RHCE: variants seen among roughly 807,000 people sequenced by gnomAD.
RHCE encodes Rh blood group CcEe antigens, also known as blood group Rh(CE) polypeptide.
A neutral mutation model predicts 43.8 loss-of-function variants in RHCE; 22 were observed. The ratio of observed to expected loss-of-function variants is 0.50; its 90% confidence interval spans 0.36 to 0.72. The LOEUF is 0.72. RHCE is among the 30% of genes least tolerant of loss of function. The pLI is 0.00. For missense variants in RHCE, 385 were observed against 525.4 expected (o/e 0.73, Z 2.61); for synonymous variants, 156 against 210.7 (o/e 0.74, Z 2.25).
At chr1:25,404,950 G>T (rs899119580) in intron 2 of RHCE, among the ~76,000 whole-genome samples, 1 of 151,822 alleles carries the variant, frequency 6.6e-6, no homozygotes, top group Non-Finnish European at 1.5e-5. Context: ...TAGCACTTTG[G>T]GAGGCTGAGG....
intron 1 of RHCE, among the ~76,000 whole-genome samples, chr1:25,410,802 C>T (rs1647049498): frequency 6.6e-6 from 1 of 152,104 alleles, no homozygotes. Flanking sequence ...TTAAACCTCA[C>T]TAAATTGCCA....
chr1:25,384,477 G>A (rs28491276), intron 7 of RHCE, among the ~76,000 whole-genome samples: 11,881 of 151,856 alleles, frequency 0.078, 1,413 homozygotes, highest in African/African-American at 0.26. Flanking sequence ...CTTACAGAGG[G>A]GAACTCTCAG....
At chr1:25,411,028 G>T (rs2124510521) in intron 1 of RHCE, among the ~76,000 whole-genome samples, 1 of 152,070 alleles carries the variant, frequency 6.6e-6, no homozygotes, top group African/African-American at 2.4e-5. Context: ...GGAGGCGGAG[G>T]TTGCAGTGAG....
At chr1:25,370,025 CA>C (rs1478612187) in intron 9 of RHCE, among the ~76,000 whole-genome samples, 1 of 151,586 alleles carries the variant, frequency 6.6e-6, no homozygotes, top group Admixed American at 6.6e-5. Context: ...AGGCGTCAGC[CA>C]CCGTGCCCAG....
intron 7 of RHCE, among the ~76,000 whole-genome samples, chr1:25,384,674 G>T (rs1373468869): frequency 6.6e-6 from 1 of 152,132 alleles, no homozygotes; most frequent in African/African-American, 2.4e-5. Context: ...CTCTGTAGAA[G>T]GCATCCAAGA....
chr1:25,423,103 T>C (rs1183878051), upstream of RHCE, among the ~76,000 whole-genome samples: 1 of 152,202 alleles, frequency 6.6e-6, no homozygotes, highest in Non-Finnish European at 1.5e-5. Context: ...CTAAGCCCTC[T>C]GCTACCCCAA....
chr1:25,424,756 G>T (rs2042792443), upstream of RHCE, among the ~76,000 whole-genome samples: 1 of 151,912 alleles, frequency 6.6e-6, no homozygotes, highest in South Asian at 2.1e-4. Context: ...GGTTCCTTGT[G>T]TTCCCCTTTT....
chr1:25,392,193 G>A (rs769261867), intron 3 of RHCE, 52 bp from the exon 4 acceptor site: 10 of 1,613,308 alleles, frequency 6.2e-6, no homozygotes, highest in Non-Finnish European at 8.5e-6. Flanking sequence ...CTGCCCAGGG[G>A]AAAGCCCTGA....
At chr1:25,402,463 T>C in intron 3 of RHCE, 133 bp downstream of exon 3, 1 of 1,253,038 alleles carries the variant, frequency 8.0e-7, no homozygotes, top group Non-Finnish European at 1.2e-6. Flanking sequence ...TGGCCTCAAG[T>C]GATCTTCCCT....
At chr1:25,394,364 A>G (rs1412786368) in intron 3 of RHCE, among the ~76,000 whole-genome samples, 4 of 151,600 alleles carry the variant, frequency 2.6e-5, no homozygotes, top group Non-Finnish European at 5.9e-5. Context: ...GCACCCTGCC[A>G]TTGTTCTGCC....
intron 6 of RHCE, among the ~76,000 whole-genome samples, chr1:25,386,845 AC>A (rs1557613182): frequency 0.016 from 1,146 of 71,572 alleles, 14 homozygotes; most frequent in African/African-American, 0.04. Flanking sequence ...ACAACAAAAC[AC>A]ACACACACAC....
At chr1:25,424,524 A>C (rs139415751), upstream of RHCE, among the ~76,000 whole-genome samples, 370 of 152,048 alleles carry the variant, frequency 2.4e-3, 5 homozygotes, top group African/African-American at 8.4e-3. Flanking sequence ...AGTAGCTGGG[A>C]TTATAGGCAC....
At chr1:25,418,464 G>A (rs529011192) in intron 1 of RHCE, among the ~76,000 whole-genome samples, 36 of 151,982 alleles carry the variant, frequency 2.4e-4, no homozygotes, top group African/African-American at 8.2e-4. Context: ...CACCACACCC[G>A]GCTAGTTTTT....
At chr1:25,374,340 G>A (rs1353340945) in intron 8 of RHCE, among the ~76,000 whole-genome samples, 6 of 151,782 alleles carry the variant, frequency 4.0e-5, no homozygotes, top group South Asian at 2.1e-4. Flanking sequence ...TGCCCACTTC[G>A]GTCTCCCAAA....
chr1:25,399,710 T>A (rs2124464995), intron 3 of RHCE, among the ~76,000 whole-genome samples: 1 of 152,216 alleles, frequency 6.6e-6, no homozygotes, highest in South Asian at 2.1e-4. Context: ...ATTTTAAAAT[T>A]AGGAAATGCT....
At chr1:25,370,031 G>A (rs1384527481) in intron 9 of RHCE, among the ~76,000 whole-genome samples, 1 of 151,524 alleles carries the variant, frequency 6.6e-6, no homozygotes, top group East Asian at 1.9e-4. Context: ...CAGCCACCGT[G>A]CCCAGCCAGT....
intron 3 of RHCE, among the ~76,000 whole-genome samples, chr1:25,392,812 C>T (rs1646420845): frequency 6.6e-6 from 1 of 151,886 alleles, no homozygotes; most frequent in African/African-American, 2.4e-5. Flanking sequence ...CTCAAGAGAT[C>T]CTTCCCTCCC....
chr1:25,387,673 T>C (rs1646220219), intron 6 of RHCE, among the ~76,000 whole-genome samples: 1 of 152,206 alleles, frequency 6.6e-6, no homozygotes, highest in South Asian at 2.1e-4. Context: ...AAATCAGATT[T>C]GCCCTGGTTT....
chr1:25,406,873 C>T lies in RHCE; in HGVS notation c.335+1810G>A, dbSNP rs1306069483. On this transcript the variant is annotated intron_variant, in intron 2 of 9. Transcript: ENST00000294413. ...ATCTCCTGACCTCATGATCTGCCCACCCCCACCTCCCAAAGTGCTGGGATT... is the reference window on the plus strand; with the variant it reads ...ATCTCCTGACCTCATGATCTGCCCATCCCCACCTCCCAAAGTGCTGGGATT... Among the ~76,000 whole-genome samples the T allele has an allele frequency of 6.9e-5, 8 of 115,294 alleles. 2 individuals are homozygous for T. The highest frequency in any genetic ancestry group is 1.2e-4 in the Non-Finnish European group (6 of 50,940). 75.6% of individuals were successfully genotyped at this position (115,294 alleles called of 152,430 possible).
Sources: allele counts gnomAD v4.1 joint callset (sites outside exome capture counted in the v4.1 genomes callset), GRCh38; gene constraint gnomAD v4.1.1; transcripts MANE v1.5; gene names NCBI Gene and HGNC (gene_info 2026-07-23, HGNC 2026-07-21).